The following SYNE1 variants were observed in gnomAD, a reference collection of about 807,000 sequenced individuals.
SYNE1 encodes spectrin repeat containing nuclear envelope protein 1.
SYNE1 carries 616 observed loss-of-function variants against 1,111.0 expected under a neutral mutation model. The ratio of observed to expected loss-of-function variants is 0.55; its 90% CI spans 0.52 to 0.59. The LOEUF (loss-of-function observed/expected upper bound fraction) is 0.59. Ranked by LOEUF, SYNE1 falls within the 20% of genes least tolerant of loss-of-function variation. SYNE1 has a pLI of 0.00. For missense variants in SYNE1, 10,006 were observed against 10,417.0 expected (o/e 0.96, Z 1.72); for synonymous variants, 3,855 against 3,825.8 (o/e 1.01, Z -0.28).
In SYNE1 at chr6:152,409,196, T is replaced by G; in HGVS notation, c.6412A>C (p.Lys2138Gln). Residue 2138 changes from lysine (K) to glutamine (Q), a missense_variant, in exon 44 of 146, where the codon AAA (lysine) becomes CAA (glutamine). Physicochemically the swap from Lys to Gln is moderately conservative, Grantham distance 53 (BLOSUM62 1). Coordinates refer to ENST00000367255, the MANE Select transcript of SYNE1 (RefSeq NM_182961.4). ...GTAAAGTTATCCAAGTCTTTCTGTT[T>G]GTAATTCATTTTGTTCTTGGCAGTT... ...HETAKNKMNY[K>Q]QKDLDNFTSK... 4 of 1,614,176 alleles carry G rather than the reference T, an allele frequency of 2.5e-6. No homozygotes were observed. Among genetic ancestry groups the G allele is most frequent in the Non-Finnish European group, 1.7e-6 (2 of 1,180,026 alleles).
intron 104 of SYNE1, among the ~76,000 whole-genome samples, chr6:152,253,925 C>A (rs2090173323): frequency 7.6e-6 from 1 of 131,672 alleles, no homozygotes; most frequent in Admixed American, 9.1e-5. Context: ...TAAAATCTTT[C>A]ATGTTGGTTA....
intron 140 of SYNE1, among the ~76,000 whole-genome samples, chr6:152,139,161 T>C (rs921560578): frequency 2.6e-5 from 4 of 152,226 alleles, no homozygotes; most frequent in African/African-American, 4.8e-5. Context: ...CAGAAGTACC[T>C]GGATGCTTCA....
At chr6:152,467,434 G>A (rs2098777371) in intron 16 of SYNE1, among the ~76,000 whole-genome samples, 1 of 152,050 alleles carries the variant, frequency 6.6e-6, no homozygotes, top group Admixed American at 6.6e-5. Flanking sequence ...TCAAGATACT[G>A]CGTAAGAAAT....
intron 108 of SYNE1, 34 bp from the exon 109 acceptor site, chr6:152,236,982 A>G (rs994304367): frequency 6.2e-7 from 1 of 1,611,736 alleles, no homozygotes; most frequent in African/African-American, 1.3e-5. Context: ...GAGCTAAAAA[A>G]ACCCTCATTA....
At chr6:152,129,710 A>G (rs1235018250) in intron 145 of SYNE1, 2 of 152,172 alleles carry the variant, frequency 1.3e-5, no homozygotes, top group African/African-American at 4.8e-5. Flanking sequence ...TGAAATAGCC[A>G]GTCCCTTATG....
intron 59 of SYNE1, among the ~76,000 whole-genome samples, chr6:152,372,461 C>A: frequency 6.6e-6 from 1 of 152,004 alleles, no homozygotes; most frequent in East Asian, 1.9e-4. Context: ...AAATTTTCCT[C>A]TGAAAGAAGA....
At position 152,451,193 on chromosome 6, in the gene SYNE1, C is replaced by T. The variant is rs2098645727; in HGVS notation, c.3040G>A (p.Glu1014Lys). ...LHKQWKDLQG[E>K]APYHLLHLKI... is the part of the protein sequence containing the mutation. ...AGATGAAGCAAATGATAAGGGGCTT[C>T]TCCTTGAAGATCCTACATTCCATAG... Residue 1014 changes from glutamate (E) to lysine (K), a missense_variant, in exon 26 of 146, where the codon GAA (glutamate) becomes AAA (lysine). Around this residue, in one of 7 missense-constraint regions of SYNE1, gnomAD observed 1,971 missense variants for 2,084.1 expected, o/e 0.95. Coordinates refer to ENST00000367255, the MANE Select transcript of SYNE1 (RefSeq NM_182961.4). 4 of 1,613,948 alleles carry T rather than the reference C, an allele frequency of 2.5e-6. No homozygotes were observed. In the East Asian group the frequency reaches 6.7e-5, roughly 27 times the overall value.
At chr6:152,275,539 G>A (rs2093554925) in intron 98 of SYNE1, among the ~76,000 whole-genome samples, 1 of 151,816 alleles carries the variant, frequency 6.6e-6, no homozygotes, top group Non-Finnish European at 1.5e-5. Context: ...CATATTTATT[G>A]CGCCAACACC....
intron 11 of SYNE1, among the ~76,000 whole-genome samples, chr6:152,492,758 G>GT (rs1296936278): frequency 3.9e-5 from 6 of 152,168 alleles, no homozygotes; most frequent in African/African-American, 1.4e-4. Context: ...AGAGTGGAGT[G>GT]TAAGTCCATA....
rs375773340 is a variant in SYNE1, at chr6:152,409,651, C to T, written c.6289G>A (p.Ala2097Thr). 1 of 1,613,730 alleles carries T rather than the reference C, an allele frequency of 6.2e-7. No homozygotes were observed. Among genetic ancestry groups the T allele is most frequent in the East Asian group, 2.2e-5 (1 of 44,848 alleles). Residue 2097 changes from alanine (A) to threonine (T), a missense_variant, in exon 43 of 146, where the codon GCT (alanine) becomes ACT (threonine). Coordinates refer to ENST00000367255, the MANE Select transcript of SYNE1 (RefSeq NM_182961.4). The stretch of plus-strand genomic sequence containing the variant: ...GCATTTTCTAAGACTTTAGATACAG[C>T]TGATTTCAGGTTCTGATATTCTCTC... The part of the protein sequence containing the change: ...LMREYQNLKS[A>T]VSKVLENASS...
rs886043280 is a variant in SYNE1, at chr6:152,218,295, C to T, written c.22153G>A (p.Asp7385Asn). ...LQGQDPSHSS[D>N]LSTIQERMEE... ...ATCCTTTCCTGGATTGTGGAGAGGT[C>T]AGATGAGTGGCTAGGGTCCTGCCCT... The change falls in exon 121 of 146, where the codon GAC (aspartate) becomes AAC (asparagine). Residue 7385 changes from aspartate to asparagine, a missense_variant. This residue lies in a region of SYNE1 where 2,182 missense variants were observed against 2,287.8 expected (regional missense o/e 0.95). Coordinates refer to ENST00000367255, the MANE Select transcript of SYNE1 (RefSeq NM_182961.4). 1.2e-6 allele frequency: 2 copies of T among 1,614,062 alleles called. No homozygotes were observed. The highest frequency in any genetic ancestry group is 8.5e-7 in the Non-Finnish European group (1 of 1,179,986).
At position 152,234,816 on chromosome 6, in the gene SYNE1, T is replaced by G; in HGVS notation, c.20397-16A>C. 1.6e-5 allele frequency: 26 copies of G among 1,613,908 alleles called. No individual in the cohort carries two copies. Among genetic ancestry groups the G allele is most frequent in the Non-Finnish European group, 2.1e-5 (25 of 1,179,816 alleles). On this transcript the variant is annotated splice_polypyrimidine_tract_variant and intron_variant, in intron 110 of 145. Coordinates refer to ENST00000367255, the MANE Select transcript of SYNE1 (RefSeq NM_182961.4). ...ACTTTGATATCTGTTAAGTATATTATGGAGTCCATTAAGTAAACATTTCAT... is the reference window on the plus strand; with the variant it reads ...ACTTTGATATCTGTTAAGTATATTAGGGAGTCCATTAAGTAAACATTTCAT...
At chr6:152,433,992 G>A (rs2098451952) in intron 33 of SYNE1, 47 bp from the exon 34 acceptor site, 3 of 1,490,484 alleles carry the variant, frequency 2.0e-6, no homozygotes, top group Non-Finnish European at 1.8e-6. Context: ...TTTTAATAGA[G>A]AACAACAACA....
intron 22 of SYNE1, chr6:152,456,807 G>A (rs1324367214): frequency 1.7e-5 from 7 of 414,470 alleles, no homozygotes; most frequent in South Asian, 3.5e-5. Context: ...CCTCAACTGC[G>A]TTAGAAAAAT....
At chr6:152,537,616 T>C (rs968606880) in intron 4 of SYNE1, among the ~76,000 whole-genome samples, 5 of 152,086 alleles carry the variant, frequency 3.3e-5, no homozygotes, top group Admixed American at 6.6e-5. Context: ...TAATTAAAAG[T>C]CAAAAGTATA....
intron 3 of SYNE1, among the ~76,000 whole-genome samples, chr6:152,597,433 A>G (rs929211487): frequency 1.3e-5 from 2 of 152,112 alleles, no homozygotes; most frequent in African/African-American, 4.8e-5. Context: ...GATGTGCACC[A>G]CCATGTCTGA....
In SYNE1 at chr6:152,350,274, T is replaced by C; in HGVS notation, c.11795A>G (p.Gln3932Arg). 7 of 1,614,202 alleles carry C rather than the reference T, an allele frequency of 4.3e-6. No homozygotes were observed. The highest frequency in any genetic ancestry group is 5.9e-6 in the Non-Finnish European group (7 of 1,180,036). The change falls in exon 72 of 146, where the codon CAA (glutamine) becomes CGA (arginine). Residue 3932 changes from glutamine (Q) to arginine (R), a missense_variant. Gln to Arg is a conservative substitution (Grantham distance 43). Coordinates refer to ENST00000367255, the MANE Select transcript of SYNE1 (RefSeq NM_182961.4). ...KDHEDYNSEL[Q>R]EVEKWLLQMS... is the part of the protein sequence containing the mutation. ...CTGCAGCAGCCACTTTTCGACCTCT[T>C]GGAGCTCACTGTTGTAGTCTTCATG...
intron 88 of SYNE1, 64 bp downstream of exon 88, chr6:152,310,624 G>T: frequency 2.5e-6 from 4 of 1,608,994 alleles, no homozygotes; most frequent in Middle Eastern, 1.7e-4. Flanking sequence ...TTTCCATAGT[G>T]GCATTGCCAT....
chr6:152,243,612 T>C (rs530850590), intron 106 of SYNE1, among the ~76,000 whole-genome samples: 1 of 152,242 alleles, frequency 6.6e-6, no homozygotes, highest in South Asian at 2.1e-4. Context: ...AAGTACAAAG[T>C]GGGGGAGGTG....
Sources: allele counts gnomAD v4.1 joint callset (sites outside exome capture counted in the v4.1 genomes callset), GRCh38; gene constraint gnomAD v4.1.1; regional missense constraint gnomAD v4.1.1; transcripts MANE v1.5; gene names NCBI Gene and HGNC (gene_info 2026-07-23, HGNC 2026-07-21).